The following RGS12 variants were observed in gnomAD, a reference collection of about 807,000 sequenced individuals.
The protein encoded by RGS12 is regulator of G protein signaling 12, also known as regulator of G-protein signaling 12.
A neutral mutation model predicts 120.1 loss-of-function variants in RGS12; 66 were observed. The observed-to-expected ratio is 0.55, with a 90% CI of 0.45 to 0.67. The LOEUF is 0.67. RGS12 is among the 30% of genes least tolerant of loss of function. The probability of loss-of-function intolerance (pLI) is 0.00; values close to 1 mark genes in which losing one functional copy is unlikely to be tolerated. For missense variants in RGS12, 1,859 were observed against 1,957.7 expected (o/e 0.95, Z 0.95); for synonymous variants, 827 against 804.7 (o/e 1.03, Z -0.47).
chr4:3,393,487 C>T lies in RGS12; in HGVS notation c.2020+7050C>T, dbSNP rs142879041. The stretch of plus-strand genomic sequence containing the variant: ...TCTGACCTGTCTCCTCAGCTCTGGA[C>T]GGTGGTTCTACCTGGGCCCCACCTT... On this transcript the variant is annotated intron_variant, in intron 4 of 17. Transcript: ENST00000336727. 3.2e-3 allele frequency among the ~76,000 whole-genome samples: 490 copies of T among 152,230 alleles called. 2 individuals are homozygous for T. Among genetic ancestry groups the T allele is most frequent in the South Asian group, 4.8e-3 (23 of 4,816 alleles).
intron 3 of RGS12, among the ~76,000 whole-genome samples, chr4:3,384,069 T>G (rs1718552040): frequency 6.6e-6 from 1 of 152,248 alleles, no homozygotes. Flanking sequence ...TGATTTATCT[T>G]TCAGATCTTA....
chr4:3,436,515 G>A (rs986920517), intron 17 of RGS12, among the ~76,000 whole-genome samples: 7 of 152,180 alleles, frequency 4.6e-5, no homozygotes, highest in Non-Finnish European at 7.4e-5. Context: ...AGGGCGGGCA[G>A]TGGGAGAGGT....
intron 3 of RGS12, among the ~76,000 whole-genome samples, chr4:3,353,355 T>C (rs760579003): frequency 1.3e-5 from 2 of 152,194 alleles, no homozygotes; most frequent in Non-Finnish European, 2.9e-5. Flanking sequence ...GATGTTACTG[T>C]ACTCTAGCAA....
chr4:3,288,796 C>A (rs540413274), upstream of RGS12, among the ~76,000 whole-genome samples: 7 of 152,214 alleles, frequency 4.6e-5, no homozygotes, highest in Non-Finnish European at 8.8e-5. This position sits in a 1 kb window ranked among gnomAD's most constrained non-coding sequence, Gnocchi z 5.2. Context: ...ATGGAGACTG[C>A]ATGAGGCATG....
intron 4 of RGS12, among the ~76,000 whole-genome samples, chr4:3,392,641 C>T (rs750138001): frequency 3.3e-5 from 5 of 152,108 alleles, no homozygotes; most frequent in Non-Finnish European, 5.9e-5. Flanking sequence ...TTAGCAGTTC[C>T]TTCTATTTTT....
In RGS12 at chr4:3,341,933, G is replaced by A. The variant is rs138012733; in HGVS notation, c.1882-1004G>A. ...GGGTAGGAAGGACTTTTCAGTTGAG[G>A]AGGAGCAGCGCAGTGCAGGGAGACC... On this transcript the variant is annotated intron_variant, in intron 2 of 17. Coordinates refer to ENST00000336727, the MANE Select transcript of RGS12 (RefSeq NM_001394154.1). Among the ~76,000 whole-genome samples the A allele has an allele frequency of 2.2e-4, 33 of 151,224 alleles. 1 individual carries two copies. In the East Asian group the frequency reaches 6.5e-3, roughly 30 times the overall value.
intron 3 of RGS12, among the ~76,000 whole-genome samples, chr4:3,379,181 G>T (rs1035438085): frequency 6.6e-6 from 1 of 152,190 alleles, no homozygotes; most frequent in South Asian, 2.1e-4. Context: ...GACGCAGAGA[G>T]TAGATTGGTG....
chr4:3,402,153 A>G (rs1450135860), intron 4 of RGS12, among the ~76,000 whole-genome samples: 6 of 152,268 alleles, frequency 3.9e-5, no homozygotes, highest in Non-Finnish European at 8.8e-5. Flanking sequence ...TGATATCAGA[A>G]GTTATATAAA....
chr4:3,290,599 A>G (rs1302117864), upstream of RGS12, among the ~76,000 whole-genome samples: 3 of 152,144 alleles, frequency 2.0e-5, no homozygotes, highest in African/African-American at 7.2e-5. Flanking sequence ...CATCCATCCC[A>G]CTTGTTCAAC....
rs140022951 is a variant in RGS12 at position 3,430,914 on chromosome 4, C to A, written c.4073C>A (p.Pro1358Gln). The A allele has an allele frequency of 4.3e-6, 7 of 1,612,696 alleles. No individual in the cohort carries two copies. The East Asian group carries it at 1.6e-4, about 36-fold the overall frequency. Residue 1358 changes from proline to glutamine, a missense_variant, in exon 17 of 18, where the codon CCG becomes CAG. Physicochemically the swap from Pro to Gln is moderately conservative, Grantham distance 76. Transcript: ENST00000336727. The stretch of plus-strand genomic sequence containing the variant: ...AGCCCCAACAGCACCTTGCTGCCGC[C>A]GCCCTCCACCCCCCAGGAAGTGCCA... ...ISSPNSTLLP[P>Q]PSTPQEVPGP...
intron 2 of RGS12, among the ~76,000 whole-genome samples, chr4:3,330,485 A>G (rs1333113475): frequency 2.0e-5 from 3 of 152,224 alleles, no homozygotes; most frequent in Non-Finnish European, 4.4e-5. Context: ...TACCTGTACT[A>G]GAAGGGCGTG....
At chr4:3,305,594 C>A (rs1159101338) in intron 1 of RGS12, among the ~76,000 whole-genome samples, 1 of 152,224 alleles carries the variant, frequency 6.6e-6, no homozygotes. Flanking sequence ...GCACCACAGG[C>A]CAGACCTTCC....
At chr4:3,362,448 G>T (rs1442446020) in intron 3 of RGS12, among the ~76,000 whole-genome samples, 1 of 149,652 alleles carries the variant, frequency 6.7e-6, no homozygotes. Flanking sequence ...GGGTGTGTGT[G>T]TGAGGGTGCG....
At chr4:3,357,318 A>G (rs1714985637) in intron 3 of RGS12, among the ~76,000 whole-genome samples, 1 of 152,040 alleles carries the variant, frequency 6.6e-6, no homozygotes. Context: ...ATGTTTTCTC[A>G]TTCTGTGGGT....
intron 4 of RGS12, among the ~76,000 whole-genome samples, chr4:3,393,887 T>G (rs1285978824): frequency 6.6e-6 from 1 of 152,176 alleles, no homozygotes; most frequent in African/African-American, 2.4e-5. Context: ...AAAAGCTGCC[T>G]CACAACCCAG....
At chr4:3,292,960 T>TC (rs1202673816), upstream of RGS12, 1 of 71,542 alleles carries the variant, frequency 1.4e-5, no homozygotes, top group Non-Finnish European at 3.1e-5. Flanking sequence ...GCCCCGCCCC[T>TC]CTCCGTCCCC....
chr4:3,416,084 C>T lies in RGS12; in HGVS notation c.2390C>T (p.Ala797Val), dbSNP rs147243770. The change falls in exon 7 of 18, where the codon GCA (alanine) becomes GTA (valine). Residue 797 changes from alanine (A) to valine (V), a missense_variant. Ala to Val is a moderately conservative substitution (Grantham distance 64). This residue lies in a region of RGS12 where 375 missense variants were observed against 475.0 expected (regional missense o/e 0.79). Transcript: ENST00000336727. ...QAQLADDVLRAPHPDMFKEQQ... is the reference protein window; with the variant it reads ...QAQLADDVLRVPHPDMFKEQQ... ...CAGCTAGCAGACGACGTCCTCCGCGCACCTCACCCAGACATGTTCAAGGAG... is the reference window on the plus strand; with the variant it reads ...CAGCTAGCAGACGACGTCCTCCGCGTACCTCACCCAGACATGTTCAAGGAG... 11,212 of 1,614,108 alleles carry T rather than the reference C, an allele frequency of 6.9e-3. 50 individuals are homozygous for T. The highest frequency in any genetic ancestry group is 8.1e-3 in the Non-Finnish European group (9,586 of 1,179,990).
intron 17 of RGS12, chr4:3,431,190 G>T: frequency 7.1e-7 from 1 of 1,398,842 alleles, no homozygotes; most frequent in Non-Finnish European, 9.2e-7. Context: ...AGGCATCCTG[G>T]TGTCCTGAGA....
intron 3 of RGS12, among the ~76,000 whole-genome samples, chr4:3,367,407 T>C (rs1716425891): frequency 6.6e-6 from 1 of 152,270 alleles, no homozygotes; most frequent in African/African-American, 2.4e-5. Flanking sequence ...CGGTGCTTTC[T>C]TCCTGTGCCC....
Sources: gnomAD v4.1 joint callset for allele counts (sites outside exome capture counted in the v4.1 genomes callset) on GRCh38, gnomAD v4.1.1 for gene constraint, gnomAD v4.1.1 regional missense constraint, Gnocchi (gnomAD v3.1) non-coding constraint, MANE v1.5 for transcripts, NCBI Gene and HGNC (gene_info 2026-07-23, HGNC 2026-07-21) for gene names.